The following GRIA3 variants were observed in gnomAD, a reference collection of about 807,000 sequenced individuals.
GRIA3 encodes glutamate ionotropic receptor AMPA type subunit 3.
In GRIA3, 3 loss-of-function variants were observed where a neutral mutation model predicts 63.0. That is an observed-to-expected ratio of 0.05 (90% CI 0.02 to 0.12). The LOEUF is 0.12. Among genes scored for constraint, GRIA3 ranks in the 10% least tolerant of loss-of-function variants. The probability of loss-of-function intolerance (pLI) is 1.00; values close to 1 mark genes in which losing one functional copy is unlikely to be tolerated. For synonymous variants in GRIA3, 274 were observed against 257.9 expected (o/e 1.06, Z -0.60); for missense variants, 347 against 700.9 (o/e 0.50, Z 5.70).
chrX:123,468,298 A>T (rs1320411391), intron 13 of GRIA3, among the ~76,000 whole-genome samples: 2 of 111,318 alleles, frequency 1.8e-5, no homozygotes, highest in Non-Finnish European at 3.8e-5. Context: ...AAAAAAAAAA[A>T]TCAATGGAGA....
intron 3 of GRIA3, among the ~76,000 whole-genome samples, chrX:123,285,577 C>CAAA (rs59101106): frequency 1.7e-3 from 17 of 10,158 alleles, no homozygotes; most frequent in Non-Finnish European, 1.7e-3. Context: ...AAATGAAAAG[C>CAAA]AAAAAAAAAA....
At chrX:123,252,343 C>T (rs1569407915) in intron 2 of GRIA3, among the ~76,000 whole-genome samples, 1 of 112,435 alleles carries the variant, frequency 8.9e-6, no homozygotes, top group Admixed American at 9.4e-5. Context: ...TTAAATCACA[C>T]CACATTATGC....
intron 5 of GRIA3, chrX:123,358,384 T>C (rs1216675032): frequency 6.2e-5 from 7 of 112,257 alleles, no homozygotes; most frequent in Non-Finnish European, 1.1e-4. Flanking sequence ...AAAGACATCT[T>C]TGTACATTTA....
chrX:123,405,744 C>T (rs2045470407), intron 10 of GRIA3, among the ~76,000 whole-genome samples: 1 of 111,653 alleles, frequency 9.0e-6, no homozygotes, highest in Non-Finnish European at 1.9e-5. Flanking sequence ...CTTCTCTATT[C>T]GCATCTACTT....
At chrX:123,455,357 T>C (rs968200853) in intron 12 of GRIA3, among the ~76,000 whole-genome samples, 2 of 111,925 alleles carry the variant, frequency 1.8e-5, no homozygotes, top group Admixed American at 9.5e-5. Context: ...GTTTTGGCCA[T>C]GCTTAGAAAT....
intron 5 of GRIA3, among the ~76,000 whole-genome samples, chrX:123,392,347 T>C (rs1254437624): frequency 1.8e-5 from 2 of 111,341 alleles, no homozygotes; most frequent in Non-Finnish European, 3.8e-5. Flanking sequence ...TTGATGGGGT[T>C]CCAAGGATGT....
rs554525845 is a variant in GRIA3, at chrX:123,318,330, G to T, written c.509-7696G>T. 1.2e-3 allele frequency among the ~76,000 whole-genome samples: 138 copies of T among 112,210 alleles called. 1 individual carries two copies. The highest frequency in any genetic ancestry group is 4.6e-3 in the Middle Eastern group (1 of 219). On this transcript the variant is annotated intron_variant, in intron 3 of 15. Coordinates refer to ENST00000620443, the MANE Select transcript of GRIA3 (RefSeq NM_007325.5). Reference sequence around the variant, plus strand: ...CTATTTATGCAAATTTCTGCAGCCCGGTTGAATTTCTCCTCAACAAATGTT... The same window carrying T: ...CTATTTATGCAAATTTCTGCAGCCCTGTTGAATTTCTCCTCAACAAATGTT...
chrX:123,251,574 T>C (rs1226420293), intron 2 of GRIA3, among the ~76,000 whole-genome samples: 2 of 111,061 alleles, frequency 1.8e-5, no homozygotes, highest in Admixed American at 1.9e-4. Context: ...TAGCTGTGAC[T>C]ACAGGTGCCC....
At chrX:123,315,429 T>C (rs377241466) in intron 3 of GRIA3, among the ~76,000 whole-genome samples, 2 of 112,117 alleles carry the variant, frequency 1.8e-5, no homozygotes, top group African/African-American at 6.5e-5. Flanking sequence ...ACTATATTGA[T>C]TTTGATGGAA....
chrX:123,304,421 G>A (rs1250583480), intron 3 of GRIA3, among the ~76,000 whole-genome samples: 2 of 111,504 alleles, frequency 1.8e-5, no homozygotes, highest in African/African-American at 3.3e-5. Context: ...GATGTCCTGC[G>A]ATTATACCAT....
chrX:123,318,933 G>A (rs1046722278), intron 3 of GRIA3, among the ~76,000 whole-genome samples: 1 of 112,096 alleles, frequency 8.9e-6, no homozygotes, highest in African/African-American at 3.2e-5. Context: ...GTTCCACATG[G>A]CTGGGGAAGC....
At chrX:123,281,995 ACT>A (rs1468719951) in intron 3 of GRIA3, among the ~76,000 whole-genome samples, 2 of 111,037 alleles carry the variant, frequency 1.8e-5, no homozygotes, top group Non-Finnish European at 3.8e-5. Context: ...GCAAGAACCA[ACT>A]CTAGCATGCC....
At chrX:123,394,899 A>AT in intron 5 of GRIA3, 69 bp from the exon 6 acceptor site, 4 of 766,486 alleles carry the variant, frequency 5.2e-6, no homozygotes, top group Non-Finnish European at 8.2e-6. Context: ...TATCCTTAGC[A>AT]CTCTAACAGA....
intron 12 of GRIA3, among the ~76,000 whole-genome samples, chrX:123,445,938 A>G (rs2045700891): frequency 8.9e-6 from 1 of 112,412 alleles, no homozygotes; most frequent in Non-Finnish European, 1.9e-5. Context: ...TTCCCCTGTT[A>G]TATAACGGAA....
intron 12 of GRIA3, among the ~76,000 whole-genome samples, chrX:123,459,550 T>G (rs1358872262): frequency 1.8e-5 from 2 of 112,233 alleles, no homozygotes; most frequent in Non-Finnish European, 3.8e-5. Flanking sequence ...CCTTCTCCAT[T>G]TATGTATTTC....
chrX:123,480,200 G>A, intron 14 of GRIA3, 23 bp downstream of exon 14: 3 of 937,022 alleles, frequency 3.2e-6, no homozygotes, highest in Non-Finnish European at 4.6e-6. Flanking sequence ...AGGTCTTTTT[G>A]TACTGATTAG....
intron 10 of GRIA3, among the ~76,000 whole-genome samples, chrX:123,413,314 C>T (rs2045517136): frequency 9.1e-6 from 1 of 109,723 alleles, no homozygotes; most frequent in African/African-American, 3.3e-5. Flanking sequence ...AAACAAGTAA[C>T]AATTTCTCCT....
intron 4 of GRIA3, among the ~76,000 whole-genome samples, chrX:123,353,075 A>C (rs2147349188): frequency 9.2e-6 from 1 of 108,686 alleles, no homozygotes; most frequent in Admixed American, 9.9e-5. Context: ...ACACACACAT[A>C]CTTAAAATGA....
chrX:123,276,333 T>G (rs1488797443), intron 3 of GRIA3, among the ~76,000 whole-genome samples: 3 of 112,015 alleles, frequency 2.7e-5, no homozygotes, highest in Non-Finnish European at 5.6e-5. Context: ...ATCCTTTCCA[T>G]AAACTCTCAT....
Sources: allele counts gnomAD v4.1 joint callset (sites outside exome capture counted in the v4.1 genomes callset), GRCh38; gene constraint gnomAD v4.1.1; transcripts MANE v1.5; gene names NCBI Gene and HGNC (gene_info 2026-07-23, HGNC 2026-07-21).